The following SLX9 variants were observed in gnomAD, a reference collection of about 807,000 sequenced individuals.
SLX9 encodes SLX9 ribosome biogenesis factor, also known as ribosome biogenesis protein SLX9 homolog.
SLX9 carries 19 observed loss-of-function variants against 20.8 expected under a neutral mutation model. That is an observed-to-expected ratio of 0.91 (90% CI 0.64 to 1.34). The LOEUF (loss-of-function observed/expected upper bound fraction) is 1.34. SLX9 is among the 40% of genes most tolerant of loss of function. SLX9 has a pLI of 0.00. For missense variants in SLX9, 299 were observed against 322.2 expected (o/e 0.93, Z 0.55); for synonymous variants, 113 against 137.1 (o/e 0.82, Z 1.23).
chr21:44,967,256 G>A, intron 4 of SLX9, 75 bp downstream of exon 4: 1 of 1,500,152 alleles, frequency 6.7e-7, no homozygotes, highest in South Asian at 1.3e-5. Context: ...GATATGAGTG[G>A]GAGCCACGGG....
intron 5 of SLX9, among the ~76,000 whole-genome samples, chr21:44,974,485 A>G (rs993803688): frequency 1.3e-5 from 2 of 152,160 alleles, no homozygotes; most frequent in East Asian, 3.8e-4. Flanking sequence ...TCTCTAATCC[A>G]TTTTTACTCT....
At chr21:44,959,298 G>C (rs563627142) in intron 2 of SLX9, 1 of 978,300 alleles carries the variant, frequency 1.0e-6, no homozygotes, top group South Asian at 4.7e-5. Context: ...GTTCTGGGGA[G>C]AATGCAGCCG....
intron 1 of SLX9, among the ~76,000 whole-genome samples, chr21:44,940,625 T>A (rs2084525744): frequency 6.6e-6 from 1 of 152,116 alleles, no homozygotes; most frequent in African/African-American, 2.4e-5. Flanking sequence ...ATCTACCTTT[T>A]GTCTTTATTC....
At chr21:44,973,789 C>T (rs538897379) in intron 5 of SLX9, among the ~76,000 whole-genome samples, 1 of 152,190 alleles carries the variant, frequency 6.6e-6, no homozygotes, top group East Asian at 1.9e-4. Flanking sequence ...CCTCTAGTCC[C>T]CTCCACGCTG....
At chr21:44,945,983 C>T (rs1399514149) in intron 2 of SLX9, among the ~76,000 whole-genome samples, 1 of 152,058 alleles carries the variant, frequency 6.6e-6, no homozygotes, top group Non-Finnish European at 1.5e-5. Context: ...ATCTGCCTGT[C>T]TTGGCCTCTC....
intron 2 of SLX9, among the ~76,000 whole-genome samples, chr21:44,955,008 G>C (rs182547317): frequency 1.9e-4 from 29 of 152,208 alleles, no homozygotes; most frequent in Admixed American, 1.8e-3. Context: ...GAGGTCAGGA[G>C]TTTGAGACCA....
intron 5 of SLX9, among the ~76,000 whole-genome samples, chr21:44,975,426 CA>C (rs1221040446): frequency 6.6e-6 from 1 of 152,236 alleles, no homozygotes; most frequent in Non-Finnish European, 1.5e-5. Context: ...CACACAGTGC[CA>C]GGGGCACCGA....
At chr21:44,940,230 A>C (rs2146596904) in intron 1 of SLX9, 44 bp downstream of exon 1, 1 of 1,207,908 alleles carries the variant, frequency 8.3e-7, no homozygotes, top group South Asian at 4.1e-5. Context: ...CGTGGGTCCG[A>C]GGGCGGGTGA....
intron 1 of SLX9, 149 bp from the exon 2 acceptor site, chr21:44,943,535 A>G (rs982407733): frequency 5.7e-6 from 6 of 1,058,312 alleles, no homozygotes; most frequent in Non-Finnish European, 8.1e-6. Context: ...CTGGGAGGTG[A>G]GGGTTGTTTC....
intron 3 of SLX9, among the ~76,000 whole-genome samples, chr21:44,961,208 T>C (rs2084944600): frequency 6.6e-6 from 1 of 152,158 alleles, no homozygotes. Flanking sequence ...TTTGATGATG[T>C]GTAAATTTTA....
At chr21:44,975,888 G>A (rs931742545) in intron 5 of SLX9, among the ~76,000 whole-genome samples, 9 of 152,248 alleles carry the variant, frequency 5.9e-5, no homozygotes, top group Non-Finnish European at 8.8e-5. Context: ...CGTCCAGCGG[G>A]GTGTGAAAGA....
intron 3 of SLX9, among the ~76,000 whole-genome samples, chr21:44,964,086 C>G (rs932787731): frequency 6.6e-6 from 1 of 152,294 alleles, no homozygotes; most frequent in South Asian, 2.1e-4. Context: ...CAATGTTATT[C>G]AGTTTTAGTG....
At chr21:44,970,456 A>T (rs992392844) in intron 4 of SLX9, among the ~76,000 whole-genome samples, 5 of 152,070 alleles carry the variant, frequency 3.3e-5, no homozygotes, top group African/African-American at 1.2e-4. Context: ...ACCCAGGCGC[A>T]TCTTGGACAT....
At chr21:44,943,648 C>T (rs1421240178) in intron 1 of SLX9, 36 bp from the exon 2 acceptor site, 3 of 1,609,632 alleles carry the variant, frequency 1.9e-6, no homozygotes, top group Non-Finnish European at 2.5e-6. Flanking sequence ...AAGTCTCACA[C>T]CTCTTCTTTT....
chr21:44,940,259 C>T (rs1377240041), intron 1 of SLX9, 73 bp downstream of exon 1: 10 of 1,195,244 alleles, frequency 8.4e-6, no homozygotes, highest in Non-Finnish European at 1.0e-5. Flanking sequence ...GCGCCGCCTC[C>T]GGGAGGGTTC....
At chr21:44,950,387 T>G (rs1161573292) in intron 2 of SLX9, among the ~76,000 whole-genome samples, 1 of 152,362 alleles carries the variant, frequency 6.6e-6, no homozygotes, top group Non-Finnish European at 1.5e-5. Flanking sequence ...GAGATGGCTC[T>G]GTGGAAGCGA....
rs201080250 is a variant in SLX9, at chr21:44,967,028, C to T, written c.353-6C>T. ...TTTGCCTCTAACGTCGTTTCTCCTT[C>T]CTTAGAAATCGAAGCCATAAAACTG... On this transcript the variant is annotated splice_polypyrimidine_tract_variant and splice_region_variant and intron_variant, in intron 3 of 5. Transcript: ENST00000291634. 1 of 1,607,264 alleles carries T rather than the reference C, an allele frequency of 6.2e-7. No homozygotes were observed. Among genetic ancestry groups the T allele is most frequent in the Admixed American group, 1.7e-5 (1 of 59,256 alleles).
At chr21:44,971,110 CGGGAGGGGACCCCCCATGCTGTG>C (rs2085136504) in intron 4 of SLX9, among the ~76,000 whole-genome samples, 1 of 151,882 alleles carries the variant, frequency 6.6e-6, no homozygotes, top group African/African-American at 2.4e-5. Flanking sequence ...GGGCAGTTGT[CGGGAGGGGACCCCCCATGCTGTG>C]GACCTCCGCC....
chr21:44,955,563 T>A (rs1448414877), intron 2 of SLX9, among the ~76,000 whole-genome samples: 1 of 152,192 alleles, frequency 6.6e-6, no homozygotes, highest in African/African-American at 2.4e-5. Context: ...TCACCCAGGC[T>A]GGAGTGCAGT....
Sources: allele counts gnomAD v4.1 joint callset (sites outside exome capture counted in the v4.1 genomes callset), GRCh38; gene constraint gnomAD v4.1.1; transcripts MANE v1.5; gene names NCBI Gene and HGNC (gene_info 2026-07-23, HGNC 2026-07-21).